Variants in CASD1 observed in about 807,000 individuals in gnomAD.
CASD1 encodes the protein CAS1 domain sialic acid O acetyltransferase 1.
CASD1 carries 41 observed loss-of-function variants against 100.0 expected under a neutral mutation model. That is an observed-to-expected ratio of 0.41 (90% CI 0.32 to 0.53). The LOEUF is 0.53. Ranked by LOEUF, CASD1 falls within the 20% of genes least tolerant of loss-of-function variation. The pLI is 0.25. For missense variants in CASD1, 774 were observed against 948.7 expected (o/e 0.82, Z 2.42); for synonymous variants, 321 against 315.6 (o/e 1.02, Z -0.18).
chr7:94,611,357 G>A, the CASD1 span, among the ~76,000 whole-genome samples: 1 of 151,884 alleles, frequency 6.6e-6, no homozygotes, highest in Non-Finnish European at 1.5e-5. Context: ...GATGAAACTT[G>A]AAAATGTTAT....
the CASD1 span, among the ~76,000 whole-genome samples, chr7:94,592,826 A>T: frequency 6.6e-6 from 1 of 152,186 alleles, no homozygotes. Flanking sequence ...GATGATTTGC[A>T]TAAAGCCACA....
rs1431693751 is a variant in CASD1, at chr7:94,537,911, T to G, written c.1266+17T>G. Reference sequence around the variant, plus strand: ...ACTAAAGAGGTAAGAGTCATTTTCTTTTTAACTCATGTTACCCTTCTTGTC... The same window carrying G: ...ACTAAAGAGGTAAGAGTCATTTTCTGTTTAACTCATGTTACCCTTCTTGTC... On this transcript the variant is annotated intron_variant, in intron 9 of 17. Coordinates refer to ENST00000297273, the MANE Select transcript of CASD1 (RefSeq NM_022900.5). 1 of 1,332,596 alleles carries G rather than the reference T, an allele frequency of 7.5e-7. No homozygotes were observed. Among genetic ancestry groups the G allele is most frequent in the Non-Finnish European group, 1.1e-6 (1 of 940,420 alleles). The allele number at this position is 1,332,596 out of a possible 1,614,324, so 82.5% of individuals were successfully genotyped here. A position where few individuals can be genotyped will look rare whatever the true frequency, so the allele number is the denominator to read the frequency against.
chr7:94,571,040 CTTTT>C, the CASD1 span, among the ~76,000 whole-genome samples: 2 of 138,682 alleles, frequency 1.4e-5, no homozygotes, highest in Non-Finnish European at 1.6e-5. Flanking sequence ...TTAAATTCTC[CTTTT>C]TTTTTTTTTT....
intron 7 of CASD1, 137 bp downstream of exon 7, chr7:94,533,939 A>C: frequency 1.3e-6 from 1 of 752,548 alleles, no homozygotes; most frequent in Non-Finnish European, 2.0e-6. Flanking sequence ...ATTAGAGTAC[A>C]CTTGAGTTAT....
the CASD1 span, among the ~76,000 whole-genome samples, chr7:94,593,706 G>C: frequency 1.3e-5 from 2 of 152,064 alleles, no homozygotes; most frequent in Admixed American, 6.6e-5. Context: ...AGGCTGAGAA[G>C]TATAAACTCC....
intron 3 of CASD1, among the ~76,000 whole-genome samples, chr7:94,523,830 G>A (rs1266728796): frequency 6.6e-6 from 1 of 152,170 alleles, no homozygotes; most frequent in East Asian, 1.9e-4. Context: ...TTAAAACAGT[G>A]TGGTATTGGT....
At chr7:94,554,835 G>A (rs959130362) in intron 17 of CASD1, among the ~76,000 whole-genome samples, 6 of 152,078 alleles carry the variant, frequency 3.9e-5, no homozygotes, top group African/African-American at 1.4e-4. Context: ...GTTGTCTTGA[G>A]CTTTCAAGCA....
At chr7:94,553,795 T>C (rs544986179) in intron 16 of CASD1, 1 of 149,532 alleles carries the variant, frequency 6.7e-6, no homozygotes, top group African/African-American at 2.5e-5. Flanking sequence ...CTTAAATAAA[T>C]AAATAAATAA....
the CASD1 span, chr7:94,588,264 AT>A: frequency 9.6e-7 from 1 of 1,043,852 alleles, no homozygotes; most frequent in South Asian, 3.8e-5. Flanking sequence ...GCCATTTCTC[AT>A]TTATCCCCCT....
the CASD1 span, among the ~76,000 whole-genome samples, chr7:94,592,535 CATTA>C: frequency 3.5e-4 from 54 of 152,176 alleles, no homozygotes; most frequent in Middle Eastern, 6.8e-3. Context: ...AAATTATTAG[CATTA>C]ATTATTTTCT....
chr7:94,600,565 G>A, the CASD1 span: 1 of 1,030,812 alleles, frequency 9.7e-7, no homozygotes, highest in Non-Finnish European at 1.5e-6. Flanking sequence ...TGAACCAAAT[G>A]AAACTTTGCT....
downstream of CASD1, among the ~76,000 whole-genome samples, chr7:94,559,300 G>GTGTGTGTGTA (rs1378664895): frequency 8.0e-5 from 11 of 137,888 alleles, no homozygotes; most frequent in Non-Finnish European, 1.8e-4. Flanking sequence ...GTGTGTGTGT[G>GTGTGTGTGTA]TGTGTATGTG....
chr7:94,515,758 CAG>C (rs1238996919), intron 1 of CASD1, among the ~76,000 whole-genome samples: 4 of 151,852 alleles, frequency 2.6e-5, no homozygotes, highest in African/African-American at 9.6e-5. Context: ...AGAAAGAAAA[CAG>C]AAAAGAAAAA....
the CASD1 span, among the ~76,000 whole-genome samples, chr7:94,566,074 A>G: frequency 6.6e-6 from 1 of 152,132 alleles, no homozygotes; most frequent in Non-Finnish European, 1.5e-5. Context: ...GCCCAGGGAG[A>G]GCCAGGACTT....
chr7:94,605,105 A>T, the CASD1 span, among the ~76,000 whole-genome samples: 1 of 151,918 alleles, frequency 6.6e-6, no homozygotes, highest in African/African-American at 2.4e-5. Flanking sequence ...CAAGAAAAAA[A>T]TTATAAAACA....
chr7:94,564,234 T>TC, the CASD1 span, among the ~76,000 whole-genome samples: 1 of 152,216 alleles, frequency 6.6e-6, no homozygotes, highest in African/African-American at 2.4e-5. Context: ...TGAAACTGTG[T>TC]CTGGCACAAC....
intron 9 of CASD1, among the ~76,000 whole-genome samples, chr7:94,538,659 C>T (rs1038368628): frequency 2.6e-5 from 4 of 152,020 alleles, no homozygotes; most frequent in Admixed American, 1.3e-4. Flanking sequence ...TCACATCTGT[C>T]ATAGTTTAAT....
the CASD1 span, among the ~76,000 whole-genome samples, chr7:94,603,851 T>C: frequency 1.4e-4 from 22 of 152,148 alleles, no homozygotes; most frequent in African/African-American, 5.3e-4. Context: ...ACTACAATAA[T>C]AAATAACTAA....
At chr7:94,628,372 C>G in the CASD1 span, 1 of 1,590,842 alleles carries the variant, frequency 6.3e-7, no homozygotes, top group Non-Finnish European at 8.6e-7. Context: ...AGATAAGAAA[C>G]AGAGAATTAA....
Sources: gnomAD v4.1 joint callset for allele counts (sites outside exome capture counted in the v4.1 genomes callset) on GRCh38, gnomAD v4.1.1 for gene constraint, MANE v1.5 for transcripts, NCBI Gene and HGNC (gene_info 2026-07-23, HGNC 2026-07-21) for gene names.